The following TBC1D1 variants were observed in gnomAD, a reference collection of about 807,000 sequenced individuals.
The protein encoded by TBC1D1 is TBC1 (tre-2/USP6, BUB2, cdc16) domain family, member 1.
TBC1D1 carries 89 observed loss-of-function variants against 125.6 expected under a neutral mutation model. The observed-to-expected ratio is 0.71, with a 90% CI of 0.60 to 0.85. The LOEUF is 0.85. Ranked by LOEUF, TBC1D1 falls within the 40% of genes least tolerant of loss-of-function variation. The probability of loss-of-function intolerance (pLI) is 0.00; values close to 1 mark genes in which losing one functional copy is unlikely to be tolerated. For missense variants in TBC1D1, 1,377 were observed against 1,469.2 expected (o/e 0.94, Z 1.03); for synonymous variants, 565 against 564.1 (o/e 1.00, Z -0.02).
At chr4:38,043,858 C>T (rs1748893783) in intron 8 of TBC1D1, among the ~76,000 whole-genome samples, 1 of 152,168 alleles carries the variant, frequency 6.6e-6, no homozygotes, top group Non-Finnish European at 1.5e-5. Context: ...TTTATGTTGT[C>T]TCACCTTCTG....
intron 2 of TBC1D1, among the ~76,000 whole-genome samples, chr4:37,992,068 C>G (rs1275764576): frequency 6.6e-6 from 1 of 152,062 alleles, no homozygotes; most frequent in African/African-American, 2.4e-5. Context: ...GGTGGGAGAC[C>G]CTGAGGGTTA....
At chr4:37,999,605 C>CTT (rs983458793) in intron 2 of TBC1D1, among the ~76,000 whole-genome samples, 3 of 151,954 alleles carry the variant, frequency 2.0e-5, no homozygotes, top group African/African-American at 7.3e-5. Flanking sequence ...GAGAGCAGGC[C>CTT]TGTGGGGGGA....
intron 14 of TBC1D1, among the ~76,000 whole-genome samples, chr4:38,096,615 A>G (rs1472370461): frequency 6.6e-6 from 1 of 152,204 alleles, no homozygotes; most frequent in African/African-American, 2.4e-5. Flanking sequence ...TGTGTCTGCT[A>G]TACTGTAAGG....
chr4:38,117,907 G>A (rs765644464), intron 16 of TBC1D1, 126 bp from the exon 19 acceptor site: 8 of 878,904 alleles, frequency 9.1e-6, no homozygotes, highest in African/African-American at 1.7e-5. Context: ...TCAGTGGATC[G>A]CAAGCCAAAT....
chr4:37,995,944 C>G lies in TBC1D1; in HGVS notation c.418-18565C>G, dbSNP rs77862055. On this transcript the variant is annotated intron_variant, in intron 2 of 19. Transcript: ENST00000261439. This position sits in a 1 kb window ranked among gnomAD's most constrained non-coding sequence, Gnocchi z 4.3. The stretch of plus-strand genomic sequence containing the variant: ...TCATTCCCAGGGAGAAATCCACACT[C>G]AAGGACTTCTTTCTTCTCTTGCCTC... 10 of 574,292 alleles carry G rather than the reference C, an allele frequency of 1.7e-5. No individual in the cohort carries two copies. The highest frequency in any genetic ancestry group is 1.4e-4 in the South Asian group (10 of 72,658). The allele number at this position is 574,292 out of a possible 1,614,324, so 35.6% of individuals were successfully genotyped here.
rs566417209 is a variant in TBC1D1 at position 37,930,121 on chromosome 4, G to C, written c.417+27609G>C. On this transcript the variant is annotated intron_variant, in intron 2 of 19. Coordinates refer to ENST00000261439, the MANE Select transcript of TBC1D1 (RefSeq NM_015173.4). ...AACTGGAAACAACCCATCAACAGTA[G>C]AATAGTAGAATGGATACATTGTTAA... 3.9e-5 allele frequency among the ~76,000 whole-genome samples: 6 copies of C among 152,230 alleles called. 1 individual carries two copies. The East Asian group carries it at 9.7e-4, about 24-fold the overall frequency.
intron 17 of TBC1D1, among the ~76,000 whole-genome samples, chr4:38,120,780 G>C (rs764632989): frequency 6.6e-6 from 1 of 152,090 alleles, no homozygotes; most frequent in Non-Finnish European, 1.5e-5. Flanking sequence ...AGTACAGCAG[G>C]GCCCTGGGAG....
chr4:37,942,951 C>A (rs563913359), intron 2 of TBC1D1, among the ~76,000 whole-genome samples: 6 of 152,254 alleles, frequency 3.9e-5, no homozygotes, highest in Non-Finnish European at 8.8e-5. Context: ...TACATTTTGG[C>A]ATGTTTTTGC....
chr4:38,050,339 C>G (rs1234304089), intron 11 of TBC1D1, among the ~76,000 whole-genome samples: 1 of 152,190 alleles, frequency 6.6e-6, no homozygotes, highest in East Asian at 1.9e-4. Context: ...GCTTCTGGTC[C>G]TAGCTCTGCC....
chr4:38,132,890 A>G (rs1765829782), intron 18 of TBC1D1, 194 bp from the exon 21 acceptor site: 1 of 355,838 alleles, frequency 2.8e-6, no homozygotes, highest in Non-Finnish European at 5.2e-6. Flanking sequence ...TGTTTCTTAT[A>G]TCCTTTTGTC....
intron 14 of TBC1D1, among the ~76,000 whole-genome samples, chr4:38,101,449 T>A (rs1006352140): frequency 1.3e-5 from 2 of 152,252 alleles, no homozygotes; most frequent in Non-Finnish European, 2.9e-5. Context: ...CCTTTTAAAA[T>A]TAGGTTTGCC....
chr4:38,100,625 A>G lies in TBC1D1; in HGVS notation c.2399-2374A>G, dbSNP rs151069941. ...ACCATTCAACTCACTCTACAGGGTC[A>G]TTATATTAATGCTGAGATAAAATTA... On this transcript the variant is annotated intron_variant, in intron 14 of 19. Transcript: ENST00000261439. Among the ~76,000 whole-genome samples the G allele has an allele frequency of 5.3e-5, 8 of 152,298 alleles. 1 individual carries two copies. The highest frequency in any genetic ancestry group is 2.1e-4 in the South Asian group (1 of 4,816).
intron 17 of TBC1D1, among the ~76,000 whole-genome samples, chr4:38,122,629 G>A (rs1329726830): frequency 1.3e-5 from 2 of 152,042 alleles, no homozygotes; most frequent in African/African-American, 4.8e-5. Context: ...GAACTCCTTG[G>A]TGTCTCTGCA....
chr4:37,970,570 T>G (rs1212567589), intron 2 of TBC1D1, among the ~76,000 whole-genome samples: 1 of 152,220 alleles, frequency 6.6e-6, no homozygotes, highest in Non-Finnish European at 1.5e-5. Context: ...GTTATTTTCC[T>G]TCCTCTGGGA....
intron 7 of TBC1D1, among the ~76,000 whole-genome samples, chr4:38,028,732 T>C (rs533422583): frequency 4.6e-5 from 7 of 152,304 alleles, no homozygotes; most frequent in African/African-American, 1.7e-4. Context: ...AGGTCCGGCC[T>C]CTGGTCCGCA....
intron 12 of TBC1D1, among the ~76,000 whole-genome samples, chr4:38,067,122 G>A (rs563455621): frequency 3.9e-5 from 6 of 152,234 alleles, no homozygotes; most frequent in South Asian, 2.1e-4. Context: ...TGATCTGCCC[G>A]CCTCGGCCTC....
intron 12 of TBC1D1, among the ~76,000 whole-genome samples, chr4:38,056,635 C>T (rs1230049138): frequency 2.0e-5 from 3 of 152,080 alleles, no homozygotes; most frequent in Non-Finnish European, 2.9e-5. Context: ...ATAGTGAGAC[C>T]CTGTCTCTAC....
chr4:37,996,098 G>A, intron 2 of TBC1D1: 1 of 506,178 alleles, frequency 2.0e-6, no homozygotes, highest in East Asian at 5.5e-5. Flanking sequence ...ATTTTCTGTG[G>A]CAAGAATCTG....
chr4:38,063,387 C>T (rs1270632887), intron 12 of TBC1D1, among the ~76,000 whole-genome samples: 6 of 152,154 alleles, frequency 3.9e-5, no homozygotes, highest in African/African-American at 1.4e-4. Context: ...GTCCCTGGTC[C>T]TCTGTGTACC....
Sources: allele counts gnomAD v4.1 joint callset (sites outside exome capture counted in the v4.1 genomes callset), GRCh38; gene constraint gnomAD v4.1.1; non-coding constraint Gnocchi (gnomAD v3.1); transcripts MANE v1.5; gene names NCBI Gene and HGNC (gene_info 2026-07-23, HGNC 2026-07-21).